The following UGT2B17 variants were observed in gnomAD, a reference collection of about 807,000 sequenced individuals.
UGT2B17 encodes the protein UDP glucuronosyltransferase family 2 member B17, also known as UDP-glucuronosyltransferase 2B17.
In UGT2B17, 21 loss-of-function variants were observed where a neutral mutation model predicts 48.2. The observed-to-expected ratio is 0.44, with a 90% CI of 0.31 to 0.63. The LOEUF (loss-of-function observed/expected upper bound fraction) is 0.63. Among genes scored for constraint, UGT2B17 ranks in the 20% least tolerant of loss-of-function variants. UGT2B17 has a pLI of 0.08. For synonymous variants in UGT2B17, 146 were observed against 238.4 expected (o/e 0.61, Z 3.57); for missense variants, 402 against 696.1 (o/e 0.58, Z 4.75).
chr4:68,542,250 C>T lies in UGT2B17; in HGVS notation c.1314-4346G>A, dbSNP rs1247509087. On this transcript the variant is annotated intron_variant, in intron 6 of 6. Transcript: ENST00000317746. ...CAATACATCTTTTTGGTACCAGTAC[C>T]ATTCTGTTTTGGTTATGTAGCCTAA... Among the ~76,000 whole-genome samples, 3 of 126,172 alleles carry T rather than the reference C, an allele frequency of 2.4e-5. 1 individual carries two copies. The Admixed American group carries it at 2.4e-4, about 10-fold the overall frequency. The allele number at this position is 126,172 out of a possible 152,430, so 82.8% of individuals were successfully genotyped here.
Position 68,573,742 on chromosome 4 carries a change from C to G in UGT2B17, c.-65+2209G>C, listed in dbSNP as rs1360526120. 4.7e-5 allele frequency among the ~76,000 whole-genome samples: 6 copies of G among 126,472 alleles called. 2 individuals are homozygous for G. The highest frequency in any genetic ancestry group is 1.6e-4 in the African/African-American group (6 of 36,854). The allele number at this position is 126,472 out of a possible 152,430, so 83.0% of individuals were successfully genotyped here. On this transcript the variant is annotated intron_variant, in intron 1 of 6. Transcript: ENST00000317746. ...CCACCACAATACTACCACACATCTG[C>G]TCAGGGATGAACAAGGGCTGATTGA...
chr4:68,547,510 C>A lies in UGT2B17; in HGVS notation c.1313+3167G>T, dbSNP rs1475246670. 1.6e-5 allele frequency among the ~76,000 whole-genome samples: 2 copies of A among 124,280 alleles called. 1 individual carries two copies. Among genetic ancestry groups the A allele is most frequent in the Non-Finnish European group, 3.4e-5 (2 of 58,852 alleles). The allele number at this position is 124,280 out of a possible 152,430, so 81.5% of individuals were successfully genotyped here. ...TAGGCAATACCATTCAGGACATAGGCATGGGCAAGGACTTCATGACTAAAA... is the reference window on the plus strand; with the variant it reads ...TAGGCAATACCATTCAGGACATAGGAATGGGCAAGGACTTCATGACTAAAA... On this transcript the variant is annotated intron_variant, in intron 6 of 6. Coordinates refer to ENST00000317746, the MANE Select transcript of UGT2B17 (RefSeq NM_001077.4).
rs1212498014 is a variant in UGT2B17 at position 68,549,771 on chromosome 4, G to A, written c.1313+906C>T. On this transcript the variant is annotated intron_variant, in intron 6 of 6. Transcript: ENST00000317746. Reference sequence around the variant, plus strand: ...CTTCATAAACAACAATTTCCCATATGCCTCAGCAAGTCCACTCCTAGCCTC... The same window carrying A: ...CTTCATAAACAACAATTTCCCATATACCTCAGCAAGTCCACTCCTAGCCTC... 1.6e-5 allele frequency among the ~76,000 whole-genome samples: 2 copies of A among 125,750 alleles called. 1 individual carries two copies. The highest frequency in any genetic ancestry group is 5.4e-5 in the African/African-American group (2 of 36,860). The allele number at this position is 125,750 out of a possible 152,430, so 82.5% of individuals were successfully genotyped here.
intron 6 of UGT2B17, among the ~76,000 whole-genome samples, chr4:68,544,972 T>A (rs1339306337): frequency 7.9e-6 from 1 of 125,978 alleles, no homozygotes; most frequent in Admixed American, 8.1e-5. Context: ...CACACAATAA[T>A]AATGGGACAC....
rs1192919455 is a variant in UGT2B17, at chr4:68,546,055, T to C, written c.1313+4622A>G. Among the ~76,000 whole-genome samples, 8 of 125,512 alleles carry C rather than the reference T, an allele frequency of 6.4e-5. 1 individual carries two copies. The highest frequency in any genetic ancestry group is 1.3e-4 in the Non-Finnish European group (8 of 59,322). The allele number at this position is 125,512 out of a possible 152,430, so 82.3% of individuals were successfully genotyped here. A position where few individuals can be genotyped will look rare whatever the true frequency, so the allele number is the denominator to read the frequency against. Reference sequence around the variant, plus strand: ...TTCCAATCAACAGAAAAAGAGGGAATCCTCCCTAACTCATTTTATGAGGCC... The same window carrying C: ...TTCCAATCAACAGAAAAAGAGGGAACCCTCCCTAACTCATTTTATGAGGCC... On this transcript the variant is annotated intron_variant, in intron 6 of 6. Coordinates refer to ENST00000317746, the MANE Select transcript of UGT2B17 (RefSeq NM_001077.4).
At chr4:68,545,021 A>G (rs1730768573) in intron 6 of UGT2B17, among the ~76,000 whole-genome samples, 1 of 125,914 alleles carries the variant, frequency 7.9e-6, no homozygotes, top group Admixed American at 8.1e-5. Flanking sequence ...GATCAACGAG[A>G]AAAAGTTAAC....
At position 68,551,701 on chromosome 4, in the gene UGT2B17, TA is replaced by T. The variant is rs1730916271; in HGVS notation, c.1093+122del. ...GACTAGAAAATAAATATAAAGTAGTTAAATTTGATTTTTTTTTAGTTTTCCA... is the reference window on the plus strand; with the variant it reads ...GACTAGAAAATAAATATAAAGTAGTTAATTTGATTTTTTTTTAGTTTTCCA... On this transcript the variant is annotated intron_variant, in intron 5 of 6. Transcript: ENST00000317746. The T allele has an allele frequency of 5.9e-5, 42 of 714,524 alleles. 2 individuals carry two copies. Among genetic ancestry groups the T allele is most frequent in the Non-Finnish European group, 8.1e-5 (42 of 516,984 alleles). 44.3% of individuals were successfully genotyped at this position (714,524 alleles called of 1,614,324 possible).
rs148479957 is a variant in UGT2B17, at chr4:68,573,147, A to G, written c.-65+2804T>C. 5.2e-3 allele frequency among the ~76,000 whole-genome samples: 665 copies of G among 127,056 alleles called. 165 individuals carry two copies. The highest frequency in any genetic ancestry group is 6.5e-3 in the Admixed American group (82 of 12,538). 83.4% of individuals were successfully genotyped at this position (127,056 alleles called of 152,430 possible). ...TTAGGTTTTTCCTAAGAGTTAGCTTATTTGCTTCTTGTGTTAACAGGGCTG... is the reference window on the plus strand; with the variant it reads ...TTAGGTTTTTCCTAAGAGTTAGCTTGTTTGCTTCTTGTGTTAACAGGGCTG... On this transcript the variant is annotated intron_variant, in intron 1 of 6. Transcript: ENST00000317746.
At chr4:68,548,631 A>G (rs1560576401) in intron 6 of UGT2B17, among the ~76,000 whole-genome samples, 1 of 94,838 alleles carries the variant, frequency 1.1e-5, no homozygotes, top group Non-Finnish European at 2.5e-5. Flanking sequence ...TTTTTTATCC[A>G]TGAGGATGGA....
chr4:68,565,412 A>G (rs572989543), intron 3 of UGT2B17, among the ~76,000 whole-genome samples, 160 bp downstream of exon 3: 1 of 126,190 alleles, frequency 7.9e-6, no homozygotes, highest in African/African-American at 2.7e-5. Flanking sequence ...TAACATTCAC[A>G]TACTTGTGAT....
intron 4 of UGT2B17, among the ~76,000 whole-genome samples, chr4:68,556,950 C>T (rs1473664051): frequency 8.0e-6 from 1 of 124,320 alleles, no homozygotes; most frequent in Admixed American, 8.3e-5. Context: ...CCTAAGTAAT[C>T]CTTTAATTTA....
At chr4:68,559,291 C>A (rs1731060124) in intron 4 of UGT2B17, among the ~76,000 whole-genome samples, 1 of 125,912 alleles carries the variant, frequency 7.9e-6, no homozygotes, top group African/African-American at 2.7e-5. Context: ...AGACTATTAT[C>A]AGTATTGCTA....
Position 68,540,674 on chromosome 4 carries a change from G to T in UGT2B17, c.1314-2770C>A, listed in dbSNP as rs568439805. On this transcript the variant is annotated intron_variant, in intron 6 of 6. Coordinates refer to ENST00000317746, the MANE Select transcript of UGT2B17 (RefSeq NM_001077.4). ...TTATTTTAAGTTCCAGGATACATAC[G>T]CAGAATGTGTGGGTTTGTTACATAG... 1.6e-5 allele frequency among the ~76,000 whole-genome samples: 2 copies of T among 125,980 alleles called. 1 individual carries two copies. 82.6% of individuals were successfully genotyped at this position (125,980 alleles called of 152,430 possible).
intron 3 of UGT2B17, among the ~76,000 whole-genome samples, chr4:68,564,178 T>C (rs1190792829): frequency 8.2e-6 from 1 of 121,902 alleles, no homozygotes; most frequent in East Asian, 7.9e-4. Context: ...ATTGAGAACA[T>C]TGGGATTTTT....
Position 68,537,965 on chromosome 4 carries a change from G to A in UGT2B17, c.1314-61C>T, listed in dbSNP as rs1194612631. The A allele has an allele frequency of 1.9e-5, 22 of 1,146,402 alleles. 5 individuals are homozygous for A. Among genetic ancestry groups the A allele is most frequent in the Middle Eastern group, 2.3e-4 (1 of 4,296 alleles). The allele number at this position is 1,146,402 out of a possible 1,614,324, so 71.0% of individuals were successfully genotyped here. A position where few individuals can be genotyped will look rare whatever the true frequency, so the allele number is the denominator to read the frequency against. On this transcript the variant is annotated intron_variant, in intron 6 of 6. Transcript: ENST00000317746. ...TAAATTTATTGCTTAAGCATATCAA[G>A]TCTATGGATGGTCTTTGAAAAGCGC...
At chr4:68,550,625 G>T in intron 6 of UGT2B17, 52 bp downstream of exon 6, 1 of 1,293,842 alleles carries the variant, frequency 7.7e-7, no homozygotes, top group Non-Finnish European at 1.0e-6. Flanking sequence ...CATATTCACT[G>T]TTGACAAAAT....
intron 1 of UGT2B17, among the ~76,000 whole-genome samples, chr4:68,570,839 A>T: frequency 7.9e-6 from 1 of 126,446 alleles, no homozygotes; most frequent in Admixed American, 8.1e-5. Context: ...TCAGGGTTGA[A>T]TCCGTGCTAC....
chr4:68,552,239 T>C (rs1269968729), intron 4 of UGT2B17, among the ~76,000 whole-genome samples: 1 of 126,608 alleles, frequency 7.9e-6, no homozygotes, highest in Non-Finnish European at 1.7e-5. Flanking sequence ...GCAAACCTAC[T>C]TCCCATTCTA....
chr4:68,563,753 G>A (rs1294491599), intron 3 of UGT2B17, among the ~76,000 whole-genome samples: 1 of 125,152 alleles, frequency 8.0e-6, no homozygotes, highest in Non-Finnish European at 1.7e-5. Flanking sequence ...TATTAATGAA[G>A]TGCCTCCACC....
Sources: gnomAD v4.1 joint callset for allele counts (sites outside exome capture counted in the v4.1 genomes callset) on GRCh38, gnomAD v4.1.1 for gene constraint, MANE v1.5 for transcripts, NCBI Gene and HGNC (gene_info 2026-07-23, HGNC 2026-07-21) for gene names.